Variants in SLC8A1 observed in about 807,000 individuals in gnomAD.
SLC8A1 encodes solute carrier family 8 member A1, also known as sodium/calcium exchanger 1.
A neutral mutation model predicts 68.3 loss-of-function variants in SLC8A1; 18 were observed. That is an observed-to-expected ratio of 0.26 (90% CI 0.18 to 0.39). The LOEUF (loss-of-function observed/expected upper bound fraction) is 0.39. Among genes scored for constraint, SLC8A1 ranks in the 10% least tolerant of loss-of-function variants. The pLI is 1.00. For missense variants in SLC8A1, 985 were observed against 1,156.7 expected (o/e 0.85, Z 2.15); for synonymous variants, 475 against 415.5 (o/e 1.14, Z -1.74).
chr2:40,276,450 C>A (rs2066708878), intron 2 of SLC8A1, among the ~76,000 whole-genome samples: 1 of 152,134 alleles, frequency 6.6e-6, no homozygotes, highest in Non-Finnish European at 1.5e-5. Flanking sequence ...GTATATTTTC[C>A]TCATTTCAGA....
chr2:40,411,449 C>T (rs1287641013), intron 2 of SLC8A1, among the ~76,000 whole-genome samples: 1 of 151,906 alleles, frequency 6.6e-6, no homozygotes, highest in Non-Finnish European at 1.5e-5. Flanking sequence ...ATAAGCCTTA[C>T]CATGTCTATA....
chr2:40,451,166 T>G (rs762269830), intron 1 of SLC8A1, among the ~76,000 whole-genome samples: 11 of 151,796 alleles, frequency 7.2e-5, no homozygotes, highest in Non-Finnish European at 1.5e-4. Flanking sequence ...ACAGACCATT[T>G]CCCCCAAGAG....
chr2:40,219,581 A>T (rs948231920), intron 2 of SLC8A1, among the ~76,000 whole-genome samples: 1 of 152,246 alleles, frequency 6.6e-6, no homozygotes, highest in African/African-American at 2.4e-5. Flanking sequence ...ACTATCTGGT[A>T]TATAAGAAAA....
chr2:40,124,068 T>G (rs1014400714), intron 7 of SLC8A1, among the ~76,000 whole-genome samples: 3 of 152,216 alleles, frequency 2.0e-5, no homozygotes, highest in African/African-American at 7.2e-5. Flanking sequence ...TCTTCTCTCC[T>G]ATTTTAGAGA....
chr2:40,139,474 G>A lies in SLC8A1; in HGVS notation c.2364C>T (p.His788=), dbSNP rs762266072. 9 of 1,614,072 alleles carry A rather than the reference G, an allele frequency of 5.6e-6. No individual in the cohort carries two copies. In the African/African-American group the frequency reaches 9.3e-5, roughly 17 times the overall value. The change falls in exon 7 of 8, where the codon CAC becomes CAT. Residue 788 remains histidine (H), a synonymous_variant. Coordinates refer to ENST00000406785, the Ensembl canonical transcript of SLC8A1. ...CTTTCAGGCCAATGGTGCAGCCAAA[G>A]TGGGAAGCCAGGTCTCCAATGAAAG...
At chr2:40,346,365 A>C (rs1669306971) in intron 2 of SLC8A1, among the ~76,000 whole-genome samples, 1 of 152,162 alleles carries the variant, frequency 6.6e-6, no homozygotes, top group Non-Finnish European at 1.5e-5. Flanking sequence ...CTCAAAGCGG[A>C]CTGGCATCCC....
chr2:40,481,930 GA>G, intron 1 of SLC8A1, among the ~76,000 whole-genome samples: 1 of 152,260 alleles, frequency 6.6e-6, no homozygotes, highest in East Asian at 1.9e-4. Flanking sequence ...TTCAGAGATG[GA>G]AGAGATATTA....
At chr2:40,177,460 A>T (rs1269999361) in intron 3 of SLC8A1, among the ~76,000 whole-genome samples, 1 of 152,254 alleles carries the variant, frequency 6.6e-6, no homozygotes, top group Admixed American at 6.5e-5. Flanking sequence ...AACCGTGAGT[A>T]GTGAAAAACT....
At chr2:40,214,872 C>T (rs1290449746) in intron 2 of SLC8A1, among the ~76,000 whole-genome samples, 4 of 152,150 alleles carry the variant, frequency 2.6e-5, no homozygotes, top group Non-Finnish European at 1.5e-5. Flanking sequence ...TATTTGAGGG[C>T]TGTCTCATCC....
At chr2:40,500,624 G>A (rs1382356756) in intron 1 of SLC8A1, among the ~76,000 whole-genome samples, 2 of 151,866 alleles carry the variant, frequency 1.3e-5, no homozygotes, top group African/African-American at 4.8e-5. Flanking sequence ...CTTGAAAAGA[G>A]GCTTTTAATT....
chr2:40,216,572 C>T (rs144308567), intron 2 of SLC8A1, among the ~76,000 whole-genome samples: 91 of 152,290 alleles, frequency 6.0e-4, no homozygotes, highest in Non-Finnish European at 9.7e-4. Flanking sequence ...CTTGAGGAAT[C>T]GCCACACTGT....
intron 6 of SLC8A1, among the ~76,000 whole-genome samples, chr2:40,148,856 T>C (rs1396774809): frequency 6.6e-6 from 1 of 152,218 alleles, no homozygotes; most frequent in East Asian, 1.9e-4. Context: ...AGCATCTCCT[T>C]CCCTCACTGC....
intron 2 of SLC8A1, among the ~76,000 whole-genome samples, chr2:40,238,530 G>C (rs1286977766): frequency 1.3e-5 from 2 of 152,142 alleles, no homozygotes; most frequent in African/African-American, 4.8e-5. Flanking sequence ...GATGAACCCA[G>C]TACCTCAGAT....
At chr2:40,262,581 C>G (rs1359054478) in intron 2 of SLC8A1, among the ~76,000 whole-genome samples, 2 of 152,186 alleles carry the variant, frequency 1.3e-5, no homozygotes, top group Non-Finnish European at 2.9e-5. Context: ...GAAACACTAA[C>G]TCTGTATTTT....
intron 2 of SLC8A1, among the ~76,000 whole-genome samples, chr2:40,422,106 G>A (rs1047780859): frequency 2.6e-5 from 4 of 152,004 alleles, no homozygotes; most frequent in African/African-American, 7.2e-5. Context: ...AGGCAGTTAC[G>A]AAGATTATCT....
intron 2 of SLC8A1, among the ~76,000 whole-genome samples, chr2:40,370,129 C>T (rs367551405): frequency 6.6e-6 from 1 of 152,086 alleles, no homozygotes; most frequent in African/African-American, 2.4e-5. Context: ...ACAGATTCAA[C>T]ACACAATACC....
chr2:40,107,693 C>G (rs1306907151), exon 8 of SLC8A1: 1 of 152,084 alleles, frequency 6.6e-6, no homozygotes, highest in Non-Finnish European at 1.5e-5. Flanking sequence ...AACTCTTTCT[C>G]AAAGGATATC....
intron 2 of SLC8A1, among the ~76,000 whole-genome samples, chr2:40,243,957 G>C (rs567218828): frequency 6.6e-6 from 1 of 152,254 alleles, no homozygotes; most frequent in Non-Finnish European, 1.5e-5. Flanking sequence ...GGGCAGAATG[G>C]ATAGCTTCTA....
chr2:40,319,857 C>G (rs1218933357), intron 2 of SLC8A1, among the ~76,000 whole-genome samples: 1 of 152,066 alleles, frequency 6.6e-6, no homozygotes. Context: ...AGATATATCA[C>G]AATTTTGCTC....
Sources: gnomAD v4.1 joint callset for allele counts (sites outside exome capture counted in the v4.1 genomes callset) on GRCh38, gnomAD v4.1.1 for gene constraint, MANE v1.5 for transcripts, NCBI Gene and HGNC (gene_info 2026-07-23, HGNC 2026-07-21) for gene names.